The following CNTN5 variants were observed in gnomAD, a reference collection of about 807,000 sequenced individuals.
The protein encoded by CNTN5 is contactin-5.
A neutral mutation model predicts 129.1 loss-of-function variants in CNTN5; 77 were observed. The ratio of observed to expected loss-of-function variants is 0.60; its 90% CI spans 0.50 to 0.72. The LOEUF is 0.72. Ranked by LOEUF, CNTN5 falls within the 30% of genes least tolerant of loss-of-function variation. The pLI is 0.00. For synonymous variants in CNTN5, 509 were observed against 465.6 expected (o/e 1.09, Z -1.20); for missense variants, 1,478 against 1,328.8 (o/e 1.11, Z -1.75).
At chr11:99,628,501 T>G (rs117262090) in intron 3 of CNTN5, among the ~76,000 whole-genome samples, 6,059 of 152,024 alleles carry the variant, frequency 0.04, 163 homozygotes, top group South Asian at 0.087. Flanking sequence ...TTGGCTGCAA[T>G]GTACCGTGTA....
intron 13 of CNTN5, among the ~76,000 whole-genome samples, chr11:100,139,269 G>A (rs1266188848): frequency 6.6e-6 from 1 of 152,118 alleles, no homozygotes; most frequent in Admixed American, 6.6e-5. Flanking sequence ...TTGTGCTAGT[G>A]AAAGAAATTG....
At chr11:99,519,203 C>T (rs1470284235) in intron 2 of CNTN5, among the ~76,000 whole-genome samples, 1 of 151,960 alleles carries the variant, frequency 6.6e-6, no homozygotes, top group African/African-American at 2.4e-5. Context: ...CCTTTTATTG[C>T]TTTTTTACTT....
intron 7 of CNTN5, among the ~76,000 whole-genome samples, chr11:99,922,349 G>T (rs1300817094): frequency 6.6e-6 from 1 of 152,210 alleles, no homozygotes; most frequent in Non-Finnish European, 1.5e-5. Context: ...TACAAGTCAA[G>T]ATGAGATTTG....
At chr11:99,924,606 A>G (rs1161786842) in intron 7 of CNTN5, among the ~76,000 whole-genome samples, 2 of 152,074 alleles carry the variant, frequency 1.3e-5, no homozygotes, top group African/African-American at 4.8e-5. Context: ...TATGTGTACC[A>G]GTACTATACT....
rs1254915038 is a variant in CNTN5, at chr11:99,055,869, T to G, written c.-210+34599T>G. 5.9e-5 allele frequency among the ~76,000 whole-genome samples: 9 copies of G among 152,126 alleles called. No homozygotes were observed. In the East Asian group the frequency reaches 1.7e-3, roughly 29 times the overall value. On this transcript the variant is annotated intron_variant, in intron 1 of 24. Transcript: ENST00000524871. Reference sequence around the variant, plus strand: ...AATGCATTTTTGCCTTCAGGCTCCCTCTATTCCTTCAGACCGATCATCCAG... The same window carrying G: ...AATGCATTTTTGCCTTCAGGCTCCCGCTATTCCTTCAGACCGATCATCCAG...
chr11:99,478,849 T>C (rs1021761413), intron 2 of CNTN5, among the ~76,000 whole-genome samples: 1 of 152,188 alleles, frequency 6.6e-6, no homozygotes, highest in Non-Finnish European at 1.5e-5. Flanking sequence ...ATTTAATAGA[T>C]ATATTTCTAT....
At chr11:100,040,402 G>A (rs546064580) in intron 9 of CNTN5, among the ~76,000 whole-genome samples, 1 of 152,302 alleles carries the variant, frequency 6.6e-6, no homozygotes, top group East Asian at 1.9e-4. Flanking sequence ...TCCCAGTTAG[G>A]CTACTCGGGG....
chr11:99,260,820 T>A (rs1862591369), intron 1 of CNTN5, among the ~76,000 whole-genome samples: 1 of 151,956 alleles, frequency 6.6e-6, no homozygotes, highest in Admixed American at 6.6e-5. Flanking sequence ...CATGGTATTA[T>A]GTTAGTATCA....
At position 99,132,057 on chromosome 11, in the gene CNTN5, A is replaced by G. The variant is rs114648297; in HGVS notation, c.-210+110787A>G. ...ATCAAAAAGCTTATTTAGCACAATC[A>G]AGTCAGTGTCATCCCCAGAATGCAA... On this transcript the variant is annotated intron_variant, in intron 1 of 24. Transcript: ENST00000524871. 8.4e-3 allele frequency among the ~76,000 whole-genome samples: 1,286 copies of G among 152,288 alleles called. 22 individuals are homozygous for G. The highest frequency in any genetic ancestry group is 0.029 in the African/African-American group (1,194 of 41,544).
chr11:99,798,020 G>C (rs992536364), intron 3 of CNTN5, among the ~76,000 whole-genome samples: 2 of 151,992 alleles, frequency 1.3e-5, no homozygotes, highest in Admixed American at 6.6e-5. Flanking sequence ...GAAAACTTGT[G>C]TCATGGAGGT....
chr11:99,060,248 G>T lies in CNTN5; in HGVS notation c.-210+38978G>T, dbSNP rs561612146. Among the ~76,000 whole-genome samples the T allele has an allele frequency of 7.3e-4, 111 of 151,968 alleles. 3 individuals carry two copies. In the South Asian group the frequency reaches 0.023, roughly 31 times the overall value. On this transcript the variant is annotated intron_variant, in intron 1 of 24. Coordinates refer to ENST00000524871, the MANE Select transcript of CNTN5 (RefSeq NM_014361.4). ...ACAATAACAGTAAGTCTAATACTAG[G>T]CTATAATATCAGAAAATCTCAATAC...
intron 21 of CNTN5, among the ~76,000 whole-genome samples, chr11:100,312,389 T>A (rs986236042): frequency 6.6e-6 from 1 of 151,964 alleles, no homozygotes; most frequent in South Asian, 2.1e-4. Flanking sequence ...CGAAAGAGAG[T>A]TCTGCCTCTG....
chr11:100,051,486 CA>C (rs2137743733), intron 9 of CNTN5, among the ~76,000 whole-genome samples: 1 of 151,802 alleles, frequency 6.6e-6, no homozygotes, highest in Admixed American at 6.6e-5. Flanking sequence ...ATAGTTAAAG[CA>C]ATACTTAATG....
chr11:99,257,458 A>G (rs557686791), intron 1 of CNTN5, among the ~76,000 whole-genome samples: 16 of 152,194 alleles, frequency 1.1e-4, no homozygotes, highest in African/African-American at 3.6e-4. Context: ...ATCCATACCT[A>G]TCTTAAAAGG....
At chr11:99,559,652 T>C (rs1190902073) in intron 3 of CNTN5, among the ~76,000 whole-genome samples, 1 of 152,204 alleles carries the variant, frequency 6.6e-6, no homozygotes. Flanking sequence ...TGCAGTTTCT[T>C]ACAAAGCTAA....
intron 1 of CNTN5, among the ~76,000 whole-genome samples, chr11:99,069,172 G>GT (rs911834319): frequency 4.6e-5 from 7 of 151,948 alleles, no homozygotes; most frequent in Non-Finnish European, 7.4e-5. Context: ...AAAATGAGGT[G>GT]TTTTTTTCCC....
At chr11:100,164,399 G>A (rs1426368660) in intron 13 of CNTN5, among the ~76,000 whole-genome samples, 1 of 151,682 alleles carries the variant, frequency 6.6e-6, no homozygotes, top group Non-Finnish European at 1.5e-5. Context: ...AAAAGAGATA[G>A]CTATATCTTT....
chr11:100,185,025 A>G (rs1390071036), intron 13 of CNTN5, among the ~76,000 whole-genome samples: 4 of 152,136 alleles, frequency 2.6e-5, no homozygotes, highest in Admixed American at 6.6e-5. Flanking sequence ...TCCTGCCGCC[A>G]TGTGAAGAAG....
chr11:100,304,357 G>C (rs567799169), intron 20 of CNTN5, among the ~76,000 whole-genome samples: 2 of 151,762 alleles, frequency 1.3e-5, no homozygotes, highest in African/African-American at 4.8e-5. Context: ...AATTACCCCA[G>C]TGTAATAGAT....
Sources: allele counts gnomAD v4.1 joint callset (sites outside exome capture counted in the v4.1 genomes callset), GRCh38; gene constraint gnomAD v4.1.1; transcripts MANE v1.5; gene names NCBI Gene and HGNC (gene_info 2026-07-23, HGNC 2026-07-21).